LDLRAD3: variants seen among roughly 807,000 people sequenced by gnomAD.
LDLRAD3 encodes the protein low density lipoprotein receptor class A domain containing 3, also known as low-density lipoprotein receptor class A domain-containing protein 3.
LDLRAD3 carries 20 observed loss-of-function variants against 29.4 expected under a neutral mutation model. That is an observed-to-expected ratio of 0.68 (90% confidence interval 0.48 to 0.99). The LOEUF (loss-of-function observed/expected upper bound fraction) is 0.99. Among genes scored for constraint, LDLRAD3 ranks in the 50% least tolerant of loss-of-function variants. The pLI is 0.00. For missense variants in LDLRAD3, 420 were observed against 454.3 expected (o/e 0.92, Z 0.69); for synonymous variants, 157 against 192.7 (o/e 0.81, Z 1.53).
chr11:36,023,166 G>A (rs1188426967), intron 1 of LDLRAD3, among the ~76,000 whole-genome samples: 1 of 152,166 alleles, frequency 6.6e-6, no homozygotes, highest in Non-Finnish European at 1.5e-5. Flanking sequence ...AAACAGGCTG[G>A]CGTTTTTGAT....
At position 35,944,130 on chromosome 11, in the gene LDLRAD3, T is replaced by G; in HGVS notation, c.32T>G (p.Leu11Arg). MWLLGPLCLL[L>R]SSAAESQLLP... is the part of the protein sequence containing the mutation. The stretch of plus-strand genomic sequence containing the variant: ...CTGCTGGGGCCGCTGTGCCTGCTGC[T>G]GAGCAGCGCCGCGGGTGAGTCGGGG... The change falls in exon 1 of 6, where the codon CTG (leucine) becomes CGG (arginine). Residue 11 changes from leucine (L) to arginine (R), a missense_variant. Coordinates refer to ENST00000315571, the MANE Select transcript of LDLRAD3 (RefSeq NM_174902.4). This position sits in a 1 kb window ranked among gnomAD's most constrained non-coding sequence, Gnocchi z 4.9. 3 of 1,053,736 alleles carry G rather than the reference T, an allele frequency of 2.8e-6. No homozygotes were observed. The highest frequency in any genetic ancestry group is 3.4e-6 in the Non-Finnish European group (3 of 875,494). The allele number at this position is 1,053,736 out of a possible 1,614,324, so 65.3% of individuals were successfully genotyped here.
chr11:36,096,300 A>G (rs1853360076), intron 3 of LDLRAD3, among the ~76,000 whole-genome samples: 1 of 152,216 alleles, frequency 6.6e-6, no homozygotes, highest in Non-Finnish European at 1.5e-5. Context: ...CACCTCAGCG[A>G]AGCACAGGGA....
intron 3 of LDLRAD3, among the ~76,000 whole-genome samples, chr11:36,093,809 G>A (rs1853319234): frequency 6.6e-6 from 1 of 152,186 alleles, no homozygotes; most frequent in African/African-American, 2.4e-5. Context: ...CAGTGGAGAG[G>A]GGATGCAGGG....
chr11:36,085,552 A>G (rs1853183559), intron 3 of LDLRAD3, among the ~76,000 whole-genome samples: 1 of 152,076 alleles, frequency 6.6e-6, no homozygotes, highest in Non-Finnish European at 1.5e-5. Context: ...TCTAATGACA[A>G]CAATGTTAGA....
chr11:36,000,740 A>C (rs1219077662), intron 1 of LDLRAD3, among the ~76,000 whole-genome samples: 1 of 152,156 alleles, frequency 6.6e-6, no homozygotes, highest in African/African-American at 2.4e-5. Flanking sequence ...TGAGTCTTCA[A>C]GCTGGGGCGC....
chr11:36,140,455 G>T lies in LDLRAD3; in HGVS notation c.454+41994G>T, dbSNP rs114041522. Among the ~76,000 whole-genome samples the T allele has an allele frequency of 3.8e-3, 585 of 152,276 alleles. 1 individual carries two copies. The highest frequency in any genetic ancestry group is 0.013 in the African/African-American group (549 of 41,550). ...GCAGCACATCAATTTTTGAGACAGGGTTTCACTATGTCACCCAGGCTAGGG... is the reference window on the plus strand; with the variant it reads ...GCAGCACATCAATTTTTGAGACAGGTTTTCACTATGTCACCCAGGCTAGGG... On this transcript the variant is annotated intron_variant, in intron 4 of 5. Coordinates refer to ENST00000315571, the MANE Select transcript of LDLRAD3 (RefSeq NM_174902.4).
chr11:35,952,043 A>G (rs929863779), intron 1 of LDLRAD3, among the ~76,000 whole-genome samples: 4 of 152,206 alleles, frequency 2.6e-5, no homozygotes, highest in African/African-American at 4.8e-5. Flanking sequence ...GTGTGTGTAC[A>G]TACTATAATT....
intron 4 of LDLRAD3, among the ~76,000 whole-genome samples, chr11:36,223,575 A>G (rs1855458311): frequency 6.6e-6 from 1 of 152,080 alleles, no homozygotes; most frequent in African/African-American, 2.4e-5. Flanking sequence ...CAAAATATGC[A>G]AACATTAGCT....
intron 4 of LDLRAD3, among the ~76,000 whole-genome samples, chr11:36,173,048 A>G (rs1854619779): frequency 6.6e-6 from 1 of 152,042 alleles, no homozygotes; most frequent in Admixed American, 6.6e-5. Context: ...TCCTGGTTTA[A>G]TCTAGGAGGG....
At chr11:35,967,771 G>A (rs1051430147) in intron 1 of LDLRAD3, 2 of 469,160 alleles carry the variant, frequency 4.3e-6, no homozygotes, top group South Asian at 1.5e-5. Context: ...TTGGCTCTTG[G>A]AAGTGATTAG....
chr11:35,979,105 A>G (rs1323230929), intron 1 of LDLRAD3, among the ~76,000 whole-genome samples: 1 of 152,198 alleles, frequency 6.6e-6, no homozygotes, highest in East Asian at 1.9e-4. Context: ...GCTTTCATAA[A>G]CATGGTGAGG....
rs144816501 is a variant in LDLRAD3, at chr11:36,036,120, G to A, written c.64G>A (p.Gly22Arg). Reference protein sequence around the residue: ...SSAAESQLLPGNNFTNECNIP... With the variant: ...SSAAESQLLPRNNFTNECNIP... ...TCTGACAGAGAGCCAGCTGCTCCCCGGGAACAACTTCACCAATGAGTGCAA... is the reference window on the plus strand; with the variant it reads ...TCTGACAGAGAGCCAGCTGCTCCCCAGGAACAACTTCACCAATGAGTGCAA... Residue 22 changes from glycine (G) to arginine (R), a missense_variant, in exon 2 of 6, where the codon GGG becomes AGG. Gly to Arg is a moderately radical substitution (Grantham distance 125). Around this residue, in one of 3 missense-constraint regions of LDLRAD3, gnomAD observed 224 missense variants for 222.2 expected, o/e 1.01. Transcript: ENST00000315571. The A allele has an allele frequency of 2.3e-4, 369 of 1,613,728 alleles. No homozygotes were observed. The highest frequency in any genetic ancestry group is 3.5e-4 in the Admixed American group (21 of 60,000).
At chr11:36,204,661 G>C (rs975538017) in intron 4 of LDLRAD3, among the ~76,000 whole-genome samples, 6 of 151,988 alleles carry the variant, frequency 3.9e-5, no homozygotes, top group Non-Finnish European at 5.9e-5. Flanking sequence ...CTAATTTTTT[G>C]TATTTTTAGT....
intron 1 of LDLRAD3, among the ~76,000 whole-genome samples, chr11:35,951,821 C>T (rs888150593): frequency 7.2e-5 from 11 of 152,156 alleles, no homozygotes; most frequent in African/African-American, 1.7e-4. Flanking sequence ...AGGGAAGTGA[C>T]GAAATAGGAA....
At chr11:36,017,535 CTT>C (rs60585852) in intron 1 of LDLRAD3, among the ~76,000 whole-genome samples, 98,956 of 129,526 alleles carry the variant, frequency 0.76, 39,525 homozygotes, top group Non-Finnish European at 0.9. Flanking sequence ...ATTTTATCAT[CTT>C]TTTTTTTTTT....
At chr11:35,982,020 G>C (rs1046502792) in intron 1 of LDLRAD3, among the ~76,000 whole-genome samples, 1 of 152,130 alleles carries the variant, frequency 6.6e-6, no homozygotes, top group East Asian at 1.9e-4. Flanking sequence ...TTAGTCCTAC[G>C]TTCAGGGCCA....
At chr11:36,199,585 A>ACACACATGCACGCACG (rs771281624) in intron 4 of LDLRAD3, among the ~76,000 whole-genome samples, 1 of 150,354 alleles carries the variant, frequency 6.7e-6, no homozygotes, top group African/African-American at 2.5e-5. Context: ...ACACACACAC[A>ACACACATGCACGCACG]CACGCACGCA....
chr11:35,960,103 A>G (rs1389349865), intron 1 of LDLRAD3, among the ~76,000 whole-genome samples: 1 of 152,190 alleles, frequency 6.6e-6, no homozygotes, highest in Non-Finnish European at 1.5e-5. Flanking sequence ...ATAGGATTTT[A>G]AAGTGTGCTT....
chr11:36,027,344 T>C (rs548837094), intron 1 of LDLRAD3, among the ~76,000 whole-genome samples: 1 of 152,362 alleles, frequency 6.6e-6, no homozygotes, highest in South Asian at 2.1e-4. Context: ...CTGCTTGTAT[T>C]TTCTTATATC....
Sources: allele counts gnomAD v4.1 joint callset (sites outside exome capture counted in the v4.1 genomes callset), GRCh38; gene constraint gnomAD v4.1.1; regional missense constraint gnomAD v4.1.1; non-coding constraint Gnocchi (gnomAD v3.1); transcripts MANE v1.5; gene names NCBI Gene and HGNC (gene_info 2026-07-23, HGNC 2026-07-21).